CTNNA3: variants seen among roughly 807,000 people sequenced by gnomAD.
CTNNA3 encodes catenin alpha-3.
CTNNA3 carries 76 observed loss-of-function variants against 95.7 expected under a neutral mutation model. The observed-to-expected ratio is 0.79, with a 90% CI of 0.66 to 0.96. The LOEUF (loss-of-function observed/expected upper bound fraction) is 0.96. Among genes scored for constraint, CTNNA3 ranks in the 40% least tolerant of loss-of-function variants. CTNNA3 has a pLI of 0.00. For missense variants in CTNNA3, 1,191 were observed against 1,089.8 expected (o/e 1.09, Z -1.31); for synonymous variants, 431 against 374.4 (o/e 1.15, Z -1.74).
intron 1 of CTNNA3, among the ~76,000 whole-genome samples, chr10:67,722,650 C>T (rs767090621): frequency 7.9e-5 from 12 of 152,230 alleles, no homozygotes; most frequent in Non-Finnish European, 1.6e-4. Flanking sequence ...AGCACTAACG[C>T]CTCCAGAAAT....
chr10:66,756,871 C>G (rs768215853), intron 9 of CTNNA3, among the ~76,000 whole-genome samples: 1 of 152,078 alleles, frequency 6.6e-6, no homozygotes, highest in Non-Finnish European at 1.5e-5. Context: ...TGAGCCTTGT[C>G]TTTTCAAAAC....
intron 11 of CTNNA3, among the ~76,000 whole-genome samples, chr10:66,435,699 G>A (rs1310531407): frequency 6.6e-6 from 1 of 152,108 alleles, no homozygotes; most frequent in Non-Finnish European, 1.5e-5. Context: ...TCTGATCTTA[G>A]TTATTTCTTG....
intron 1 of CTNNA3, among the ~76,000 whole-genome samples, chr10:67,750,100 C>T (rs1841397790): frequency 6.6e-6 from 1 of 152,126 alleles, no homozygotes. Flanking sequence ...GGAAGAAACT[C>T]TGGACACATC....
At chr10:66,439,700 A>G (rs1033834028) in intron 11 of CTNNA3, among the ~76,000 whole-genome samples, 1 of 152,198 alleles carries the variant, frequency 6.6e-6, no homozygotes, top group African/African-American at 2.4e-5. Context: ...GGTTTAAATT[A>G]GGTCACTGGA....
intron 5 of CTNNA3, among the ~76,000 whole-genome samples, chr10:67,333,516 A>G (rs1040421708): frequency 1.3e-5 from 2 of 152,196 alleles, no homozygotes; most frequent in African/African-American, 4.8e-5. Flanking sequence ...CTCTTCAAGG[A>G]ACTGTACTTT....
At chr10:67,384,566 CTTGT>C (rs1425947177) in intron 5 of CTNNA3, among the ~76,000 whole-genome samples, 2 of 152,174 alleles carry the variant, frequency 1.3e-5, no homozygotes, top group African/African-American at 4.8e-5. Context: ...ATAACAGATT[CTTGT>C]TTGTTTGATA....
intron 7 of CTNNA3, among the ~76,000 whole-genome samples, chr10:66,964,722 T>A (rs1158149129): frequency 1.3e-5 from 2 of 152,094 alleles, no homozygotes; most frequent in South Asian, 4.1e-4. Flanking sequence ...CTTACAGAAT[T>A]TCATGATCCC....
At chr10:67,395,112 T>C (rs1388151957) in intron 5 of CTNNA3, among the ~76,000 whole-genome samples, 1 of 152,182 alleles carries the variant, frequency 6.6e-6, no homozygotes, top group African/African-American at 2.4e-5. Flanking sequence ...TGAAAAATTA[T>C]AGCAGTTTCT....
intron 6 of CTNNA3, among the ~76,000 whole-genome samples, chr10:67,201,666 A>C (rs1863656846): frequency 6.6e-6 from 1 of 152,188 alleles, no homozygotes; most frequent in Non-Finnish European, 1.5e-5. Context: ...TTAGATGTCA[A>C]TAATCAACCT....
intron 7 of CTNNA3, among the ~76,000 whole-genome samples, chr10:67,139,941 A>T (rs1346175045): frequency 6.6e-6 from 1 of 152,226 alleles, no homozygotes; most frequent in South Asian, 2.1e-4. Context: ...CCTAATGAAC[A>T]TTATGGAATT....
chr10:66,796,858 A>G lies in CTNNA3; in HGVS notation c.1048-21334T>C, dbSNP rs1402388008. Among the ~76,000 whole-genome samples the G allele has an allele frequency of 2.6e-5, 4 of 152,116 alleles. No homozygotes were observed. The East Asian group carries it at 7.7e-4, about 29-fold the overall frequency. ...CATGTAACAAACTAAAACTGATCTC[A>G]GCAAGATGATCTAGTGATCACTCCA... On this transcript the variant is annotated intron_variant, in intron 7 of 17. Transcript: ENST00000433211.
At chr10:67,585,961 T>C (rs1049772349) in intron 3 of CTNNA3, among the ~76,000 whole-genome samples, 6 of 152,180 alleles carry the variant, frequency 3.9e-5, no homozygotes, top group Admixed American at 1.3e-4. Context: ...AGGTATTTAA[T>C]GCCATAAACT....
intron 13 of CTNNA3, among the ~76,000 whole-genome samples, chr10:66,152,003 C>T (rs1007960625): frequency 4.6e-5 from 7 of 151,888 alleles, no homozygotes; most frequent in African/African-American, 1.4e-4. Context: ...ATCATCATTT[C>T]AGATAATCCA....
intron 7 of CTNNA3, among the ~76,000 whole-genome samples, chr10:66,808,060 A>G (rs1465675545): frequency 6.6e-6 from 1 of 152,088 alleles, no homozygotes; most frequent in Admixed American, 6.6e-5. Context: ...TATTAAATAT[A>G]ATATGTTTAT....
intron 3 of CTNNA3, among the ~76,000 whole-genome samples, chr10:67,559,024 C>T (rs1445750816): frequency 6.6e-6 from 1 of 152,216 alleles, no homozygotes; most frequent in African/African-American, 2.4e-5. Flanking sequence ...CTCAAGGAGG[C>T]CTGCCTGCCT....
At chr10:67,417,550 A>G (rs1845588293) in intron 5 of CTNNA3, among the ~76,000 whole-genome samples, 2 of 152,220 alleles carry the variant, frequency 1.3e-5, no homozygotes, top group Admixed American at 1.3e-4. Context: ...AAGTCCTTAT[A>G]GAAAGCCGGT....
chr10:67,426,180 G>A (rs2038506615), intron 5 of CTNNA3, among the ~76,000 whole-genome samples: 1 of 152,010 alleles, frequency 6.6e-6, no homozygotes, highest in South Asian at 2.1e-4. Context: ...CATATGAAGA[G>A]ATTTATATTC....
intron 11 of CTNNA3, among the ~76,000 whole-genome samples, chr10:66,420,149 C>A (rs76925056): frequency 0.053 from 8,069 of 152,092 alleles, 294 homozygotes; most frequent in Non-Finnish European, 0.083. Flanking sequence ...GGAATAATAT[C>A]CAGAGTATAT....
intron 12 of CTNNA3, among the ~76,000 whole-genome samples, chr10:66,375,763 A>AATTTACAAC (rs1225461002): frequency 6.6e-6 from 1 of 152,178 alleles, no homozygotes. Context: ...TGGAGTAAAC[A>AATTTACAAC]ATTTACAACA....
Sources: allele counts gnomAD v4.1 joint callset (sites outside exome capture counted in the v4.1 genomes callset), GRCh38; gene constraint gnomAD v4.1.1; transcripts MANE v1.5; gene names NCBI Gene and HGNC (gene_info 2026-07-23, HGNC 2026-07-21).